Variants in POLR3B observed in about 807,000 individuals in gnomAD.
The protein encoded by POLR3B is DNA-directed RNA polymerase III subunit RPC2.
Under a neutral mutation model 147.4 loss-of-function variants are expected in POLR3B, and 96 were observed. That is an observed-to-expected ratio of 0.65 (90% CI 0.55 to 0.77). The LOEUF is 0.77. Ranked by LOEUF, POLR3B falls within the 30% of genes least tolerant of loss-of-function variation. The pLI is 0.00. For missense variants in POLR3B, 1,036 were observed against 1,413.5 expected (o/e 0.73, Z 4.28); for synonymous variants, 461 against 485.9 (o/e 0.95, Z 0.67).
At chr12:106,425,907 A>G (rs1272246244) in intron 12 of POLR3B, among the ~76,000 whole-genome samples, 3 of 152,018 alleles carry the variant, frequency 2.0e-5, no homozygotes, top group Non-Finnish European at 4.4e-5. Flanking sequence ...ATCATGCCAT[A>G]TATATGTTGT....
At chr12:106,436,858 ATGTATGTGTG>A (rs1009739762) in intron 16 of POLR3B, among the ~76,000 whole-genome samples, 189 bp from the exon 17 acceptor site, 1 of 152,164 alleles carries the variant, frequency 6.6e-6, no homozygotes. Flanking sequence ...GGGCTTGGGT[ATGTATGTGTG>A]TGTATGTGAG....
At chr12:106,404,607 G>A (rs527263183) in intron 10 of POLR3B, among the ~76,000 whole-genome samples, 1 of 152,118 alleles carries the variant, frequency 6.6e-6, no homozygotes, top group East Asian at 1.9e-4. Flanking sequence ...TTAGTGAATT[G>A]TCTTTTTATT....
intron 10 of POLR3B, among the ~76,000 whole-genome samples, chr12:106,401,124 A>C (rs992924879): frequency 6.6e-6 from 1 of 152,226 alleles, no homozygotes; most frequent in Non-Finnish European, 1.5e-5. Context: ...AGACGCAATA[A>C]AAAGTGATAA....
chr12:106,409,622 G>T (rs538369998), intron 11 of POLR3B, among the ~76,000 whole-genome samples: 1 of 150,478 alleles, frequency 6.6e-6, no homozygotes, highest in East Asian at 1.9e-4. Context: ...ACATTATTTA[G>T]TGAAATTACT....
chr12:106,494,853 T>G lies in POLR3B; in HGVS notation c.2714-1202T>G, dbSNP rs376070664. Among the ~76,000 whole-genome samples the G allele has an allele frequency of 1.8e-3, 278 of 152,326 alleles. 1 individual carries two copies. Among genetic ancestry groups the G allele is most frequent in the African/African-American group, 6.3e-3 (260 of 41,584 alleles). The stretch of plus-strand genomic sequence containing the variant: ...AGAATTCAACTCCACAATATCCATA[T>G]TGTTGTCAGCTACAATAAATCAGAA... On this transcript the variant is annotated intron_variant, in intron 23 of 27. Transcript: ENST00000228347.
At chr12:106,403,470 A>G (rs1252569929) in intron 10 of POLR3B, among the ~76,000 whole-genome samples, 1 of 151,908 alleles carries the variant, frequency 6.6e-6, no homozygotes, top group Non-Finnish European at 1.5e-5. Flanking sequence ...GTATATACCC[A>G]AAGGATTATA....
At chr12:106,386,542 C>T (rs1422824614) in intron 9 of POLR3B, among the ~76,000 whole-genome samples, 1 of 152,012 alleles carries the variant, frequency 6.6e-6, no homozygotes, top group Non-Finnish European at 1.5e-5. Flanking sequence ...ATGGAAAATG[C>T]ATGACTAGAC....
intron 1 of POLR3B, among the ~76,000 whole-genome samples, chr12:106,362,044 TTGGGAGAGA>T (rs1476587955): frequency 2.0e-5 from 3 of 151,976 alleles, no homozygotes; most frequent in Non-Finnish European, 4.4e-5. Flanking sequence ...ATGGAGTAAT[TTGGGAGAGA>T]TCGTAAGCTG....
intron 18 of POLR3B, among the ~76,000 whole-genome samples, chr12:106,439,962 G>T (rs1191103496): frequency 2.0e-5 from 3 of 152,162 alleles, no homozygotes; most frequent in African/African-American, 7.2e-5. Flanking sequence ...GGGAGGCTGA[G>T]GTGGAAGGAT....
At chr12:106,471,825 G>A (rs184879620) in intron 23 of POLR3B, among the ~76,000 whole-genome samples, 87 of 151,710 alleles carry the variant, frequency 5.7e-4, no homozygotes, top group African/African-American at 1.8e-3. Context: ...TAATCTGTCT[G>A]TTATGTGTGA....
intron 6 of POLR3B, among the ~76,000 whole-genome samples, chr12:106,371,680 A>G (rs975737431): frequency 3.5e-5 from 5 of 141,592 alleles, no homozygotes; most frequent in African/African-American, 9.8e-5. Context: ...TCAGTAAACT[A>G]TCGCAAGAAC....
intron 20 of POLR3B, among the ~76,000 whole-genome samples, chr12:106,456,012 T>G (rs2037859345): frequency 6.6e-6 from 1 of 152,222 alleles, no homozygotes; most frequent in Non-Finnish European, 1.5e-5. Flanking sequence ...AGTGAAGGAT[T>G]TTACTGCCAT....
chr12:106,388,860 T>C (rs1156373881), intron 9 of POLR3B, among the ~76,000 whole-genome samples: 4 of 152,212 alleles, frequency 2.6e-5, no homozygotes, highest in Non-Finnish European at 2.9e-5. Flanking sequence ...AGTATTCTTT[T>C]TGTCTTTAAA....
intron 27 of POLR3B, among the ~76,000 whole-genome samples, chr12:106,506,021 A>T (rs77262256): frequency 6.6e-6 from 1 of 152,194 alleles, no homozygotes; most frequent in African/African-American, 2.4e-5. Context: ...CTAACAGAAG[A>T]GGTGGCCATT....
chr12:106,442,538 A>G (rs1380391344), intron 18 of POLR3B, among the ~76,000 whole-genome samples: 1 of 152,186 alleles, frequency 6.6e-6, no homozygotes, highest in Admixed American at 6.5e-5. Context: ...CTGCTAGGTC[A>G]TAAGGTGAAA....
chr12:106,459,568 G>A (rs2037908957), intron 22 of POLR3B, among the ~76,000 whole-genome samples, 200 bp downstream of exon 22: 1 of 152,178 alleles, frequency 6.6e-6, no homozygotes, highest in South Asian at 2.1e-4. Context: ...GGTTTGAGGT[G>A]TGGACCACAT....
At chr12:106,393,491 T>TTGTGTGTGTGTGTGTGTG (rs71072674) in intron 10 of POLR3B, among the ~76,000 whole-genome samples, 11 of 141,468 alleles carry the variant, frequency 7.8e-5, no homozygotes, top group African/African-American at 2.7e-4. Flanking sequence ...TGTACAGGTT[T>TTGTGTGTGTGTGTGTGTG]TGTGTGTGTG....
chr12:106,388,822 G>A (rs2036877137), intron 9 of POLR3B, among the ~76,000 whole-genome samples: 1 of 152,134 alleles, frequency 6.6e-6, no homozygotes, highest in African/African-American at 2.4e-5. Flanking sequence ...GTCACCATTA[G>A]TGTGTGTATC....
chr12:106,466,994 C>G (rs766748094), intron 23 of POLR3B, among the ~76,000 whole-genome samples: 14 of 152,138 alleles, frequency 9.2e-5, no homozygotes, highest in Non-Finnish European at 1.6e-4. Context: ...TGAAGTAAGT[C>G]AGTGGTAGCT....
Sources: allele counts gnomAD v4.1 joint callset (sites outside exome capture counted in the v4.1 genomes callset), GRCh38; gene constraint gnomAD v4.1.1; transcripts MANE v1.5; gene names NCBI Gene and HGNC (gene_info 2026-07-23, HGNC 2026-07-21).